ETNK2: variants seen among roughly 807,000 people sequenced by gnomAD.
The protein encoded by ETNK2 is ethanolamine kinase 2.
ETNK2 carries 33 observed loss-of-function variants against 46.2 expected under a neutral mutation model. The observed-to-expected ratio is 0.71, with a 90% CI of 0.54 to 0.96. ETNK2 has a LOEUF of 0.96. Among genes scored for constraint, ETNK2 ranks in the 40% least tolerant of loss-of-function variants. The probability of loss-of-function intolerance (pLI) is 0.00; values close to 1 mark genes in which losing one functional copy is unlikely to be tolerated. For synonymous variants in ETNK2, 194 were observed against 209.0 expected (o/e 0.93, Z 0.62); for missense variants, 445 against 509.7 (o/e 0.87, Z 1.22).
In ETNK2 at chr1:204,144,345, CAAAAA is replaced by C. The variant is rs141761706; in HGVS notation, c.641+2292_641+2296del. Among the ~76,000 whole-genome samples the C allele has an allele frequency of 2.1e-4, 7 of 33,340 alleles. 1 individual carries two copies. Among genetic ancestry groups the C allele is most frequent in the Non-Finnish European group, 3.6e-4 (7 of 19,714 alleles). The allele number at this position is 33,340 out of a possible 152,430, so 21.9% of individuals were successfully genotyped here. A position where few individuals can be genotyped will look rare whatever the true frequency, so the allele number is the denominator to read the frequency against. ...TGGGCAACAGAGTGAGAATCCATCTCAAAAAAAAAAAAAAAAAAAAAAAAGCCATT... is the reference window on the plus strand; with the variant it reads ...TGGGCAACAGAGTGAGAATCCATCTCAAAAAAAAAAAAAAAAAAAGCCATT... On this transcript the variant is annotated intron_variant, in intron 3 of 7. Coordinates refer to ENST00000367202, the MANE Select transcript of ETNK2 (RefSeq NM_018208.4).
chr1:204,151,277 T>A lies in ETNK2; in HGVS notation c.258+318A>T. On this transcript the variant is annotated intron_variant, in intron 1 of 7. Coordinates refer to ENST00000367202, the MANE Select transcript of ETNK2 (RefSeq NM_018208.4). The surrounding 1 kb of genome is among the most constrained non-coding windows in gnomAD (Gnocchi z 8.0). ...TTTCAGAGCTGGCTGGGTACGCGCT[T>A]CTGGTCAGCGAGGGGCACCAGCACG... The A allele has an allele frequency of 2.0e-6, 1 of 489,718 alleles. No homozygotes were observed. Among genetic ancestry groups the A allele is most frequent in the Non-Finnish European group, 3.6e-6 (1 of 277,056 alleles). The allele number at this position is 489,718 out of a possible 1,614,324, so 30.3% of individuals were successfully genotyped here.
chr1:204,133,752 T>C (rs997673661), intron 7 of ETNK2, among the ~76,000 whole-genome samples: 1 of 152,088 alleles, frequency 6.6e-6, no homozygotes, highest in African/African-American at 2.4e-5. Context: ...AGGATGGTCT[T>C]GATCTTCTGA....
At position 204,151,784 on chromosome 1, in the gene ETNK2, C is replaced by A. The variant is rs1283496552; in HGVS notation, c.69G>T (p.Pro23=). 3 of 1,505,326 alleles carry A rather than the reference C, an allele frequency of 2.0e-6. No individual in the cohort carries two copies. The highest frequency in any genetic ancestry group is 2.7e-6 in the Non-Finnish European group (3 of 1,130,036). The allele number at this position is 1,505,326 out of a possible 1,614,324, so 93.2% of individuals were successfully genotyped here. A position where few individuals can be genotyped will look rare whatever the true frequency, so the allele number is the denominator to read the frequency against. Residue 23 remains proline (P), a synonymous_variant, in exon 1 of 8, where the codon CCG becomes CCT. Coordinates refer to ENST00000367202, the MANE Select transcript of ETNK2 (RefSeq NM_018208.4). The surrounding 1 kb of genome is among the most constrained non-coding windows in gnomAD (Gnocchi z 8.0). ...TCTCCTCCATGCCCCATGAGCACTG[C>A]GGGCAAGGCGTGTGCCTCCTCAGGT... The part of the protein sequence containing the change: ...SFHLRRHTPC[P]QCSWGMEEKA...
rs199609565 is a variant in ETNK2 at position 204,139,987 on chromosome 1, A to C, written c.868+48T>G. 2.3e-4 allele frequency: 342 copies of C among 1,517,380 alleles called. No individual in the cohort carries two copies. The African/African-American group carries it at 4.2e-3, about 19-fold the overall frequency. The allele number at this position is 1,517,380 out of a possible 1,614,324, so 94.0% of individuals were successfully genotyped here. On this transcript the variant is annotated intron_variant, in intron 5 of 7. Transcript: ENST00000367202. ...ACCATCTACATGCGGTCAGTCATTG[A>C]CTGAAACACCGCTACAAAGCACATG...
In ETNK2 at chr1:204,151,543, C is replaced by T; in HGVS notation, c.258+52G>A. The T allele has an allele frequency of 6.5e-7, 1 of 1,545,706 alleles. No individual in the cohort carries two copies. The highest frequency in any genetic ancestry group is 8.7e-7 in the Non-Finnish European group (1 of 1,145,298). ...ATGCGAGGACTGGGTCCCCGCATCC[C>T]CCTGGCAGCCCTGGCAGGACCCCAT... is the stretch of plus-strand genomic sequence containing the variant. On this transcript the variant is annotated intron_variant, in intron 1 of 7. Coordinates refer to ENST00000367202, the MANE Select transcript of ETNK2 (RefSeq NM_018208.4). The surrounding 1 kb of genome is among the most constrained non-coding windows in gnomAD (Gnocchi z 8.0).
At chr1:204,149,996 G>A (rs1185259171) in intron 1 of ETNK2, 34 bp from the exon 2 acceptor site, 6 of 449,302 alleles carry the variant, frequency 1.3e-5, no homozygotes, top group Non-Finnish European at 2.7e-5. Flanking sequence ...GTGGGTGGGT[G>A]GGTGGGGCAG....
intron 4 of ETNK2, among the ~76,000 whole-genome samples, chr1:204,140,826 C>CT (rs5780215): frequency 0.74 from 102,115 of 137,078 alleles, 38,623 homozygotes; most frequent in East Asian, 0.93. Context: ...CCTGGCCAGA[C>CT]TTTTTTTTTT....
At chr1:204,146,208 C>T (rs1657772757) in intron 3 of ETNK2, among the ~76,000 whole-genome samples, 2 of 152,106 alleles carry the variant, frequency 1.3e-5, no homozygotes, top group African/African-American at 4.8e-5. Flanking sequence ...AACTCAGTCC[C>T]ACCTCATTCT....
At chr1:204,147,689 G>A (rs1432009412) in intron 2 of ETNK2, 2 of 432,664 alleles carry the variant, frequency 4.6e-6, no homozygotes, top group East Asian at 5.9e-5. Flanking sequence ...TTGTTACCAA[G>A]CTGTTCAAGG....
chr1:204,140,145 A>T (rs559980078), intron 4 of ETNK2, 27 bp from the exon 5 acceptor site: 1 of 1,595,710 alleles, frequency 6.3e-7, no homozygotes, highest in Admixed American at 1.7e-5. Context: ...AATCGATGAG[A>T]GTTGGCCCAG....
chr1:204,151,433 G>A lies in ETNK2; in HGVS notation c.258+162C>T. ...GGGAGGTGTGAGCCTAGTTTTGGTAGCGACGAAATCAATCCGTACACAAAC... is the reference window on the plus strand; with the variant it reads ...GGGAGGTGTGAGCCTAGTTTTGGTAACGACGAAATCAATCCGTACACAAAC... On this transcript the variant is annotated intron_variant, in intron 1 of 7. Transcript: ENST00000367202. The surrounding 1 kb of genome is among the most constrained non-coding windows in gnomAD (Gnocchi z 8.0). 9.5e-7 allele frequency: 1 copy of A among 1,052,946 alleles called. No homozygotes were observed. The highest frequency in any genetic ancestry group is 1.3e-6 in the Non-Finnish European group (1 of 743,056). The allele number at this position is 1,052,946 out of a possible 1,614,324, so 65.2% of individuals were successfully genotyped here. A position where few individuals can be genotyped will look rare whatever the true frequency, so the allele number is the denominator to read the frequency against.
chr1:204,149,889 A>C lies in ETNK2; in HGVS notation c.332T>G (p.Val111Gly). 6.3e-7 allele frequency: 1 copy of C among 1,582,736 alleles called. No homozygotes were observed. Among genetic ancestry groups the C allele is most frequent in the Non-Finnish European group, 8.6e-7 (1 of 1,164,958 alleles). The change falls in exon 2 of 8, where the codon GTC (valine) becomes GGC (glycine). Residue 111 changes from valine to glycine, a missense_variant. Transcript: ENST00000367202. ...CTCCGTCCGCTCCCCATACACCCGGACCAGCACGCAGTCCTGCATGTCCTC... is the reference window on the plus strand; with the variant it reads ...CTCCGTCCGCTCCCCATACACCCGGCCCAGCACGCAGTCCTGCATGTCCTC... ...VEEDMQDCVLVRVYGERTELL... is the reference protein window; with the variant it reads ...VEEDMQDCVLGRVYGERTELL...
At chr1:204,141,166 T>C in intron 4 of ETNK2, 149 bp downstream of exon 4, 1 of 972,024 alleles carries the variant, frequency 1.0e-6, no homozygotes, top group Non-Finnish European at 1.6e-6. Context: ...TTTATTTCCT[T>C]TCCCCCTTCC....
At position 204,140,812 on chromosome 1, in the gene ETNK2, C is replaced by T. The variant is rs184342016; in HGVS notation, c.784+503G>A. On this transcript the variant is annotated intron_variant, in intron 4 of 7. Coordinates refer to ENST00000367202, the MANE Select transcript of ETNK2 (RefSeq NM_018208.4). The stretch of plus-strand genomic sequence containing the variant: ...TGCTGGGATTACAGGCATGAGCCAC[C>T]GCGCCTGGCCAGACTTTTTTTTTTT... Among the ~76,000 whole-genome samples the T allele has an allele frequency of 3.0e-3, 418 of 141,142 alleles. 2 individuals are homozygous for T. The highest frequency in any genetic ancestry group is 0.017 in the Middle Eastern group (4 of 236). The allele number at this position is 141,142 out of a possible 152,430, so 92.6% of individuals were successfully genotyped here.
intron 6 of ETNK2, among the ~76,000 whole-genome samples, chr1:204,135,405 G>C (rs986793278): frequency 1.3e-5 from 2 of 152,066 alleles, no homozygotes; most frequent in Non-Finnish European, 2.9e-5. Context: ...ACCTGCACGT[G>C]TACCTCTGAA....
Position 204,146,768 on chromosome 1 carries a change from C to T in ETNK2, c.519-4G>A, listed in dbSNP as rs748021912. On this transcript the variant is annotated splice_region_variant and splice_polypyrimidine_tract_variant and intron_variant, in intron 2 of 7. Transcript: ENST00000367202. Reference sequence around the variant, plus strand: ...TGCCATTTCTAAGGCGATTAACCTACAGCAGGGAACAGGAAGAGTAGAGCA... The same window carrying T: ...TGCCATTTCTAAGGCGATTAACCTATAGCAGGGAACAGGAAGAGTAGAGCA... 55 of 1,613,852 alleles carry T rather than the reference C, an allele frequency of 3.4e-5. No homozygotes were observed. Among genetic ancestry groups the T allele is most frequent in the Non-Finnish European group, 4.4e-5 (52 of 1,179,864 alleles).
chr1:204,135,579 C>G (rs1657250284), intron 6 of ETNK2, among the ~76,000 whole-genome samples: 3 of 152,194 alleles, frequency 2.0e-5, no homozygotes, highest in African/African-American at 7.2e-5. Context: ...CCTCCTCACT[C>G]AGGGGTTGGC....
chr1:204,141,737 A>G (rs1657551459), intron 3 of ETNK2: 2 of 430,566 alleles, frequency 4.6e-6, no homozygotes, highest in South Asian at 5.6e-5. Context: ...CATCCCTGCT[A>G]CTTTGTGAAA....
intron 2 of ETNK2, among the ~76,000 whole-genome samples, chr1:204,147,840 C>T (rs1182716254): frequency 1.3e-5 from 2 of 152,198 alleles, no homozygotes; most frequent in African/African-American, 2.4e-5. Flanking sequence ...TGGCAGCAAC[C>T]TCCTGGGTGA....
Sources: gnomAD v4.1 joint callset for allele counts (sites outside exome capture counted in the v4.1 genomes callset) on GRCh38, gnomAD v4.1.1 for gene constraint, Gnocchi (gnomAD v3.1) non-coding constraint, MANE v1.5 for transcripts, NCBI Gene and HGNC (gene_info 2026-07-23, HGNC 2026-07-21) for gene names.